PTAR1: variants seen among roughly 807,000 people sequenced by gnomAD.
PTAR1 encodes the protein protein prenyltransferase alpha subunit repeat-containing protein 1.
Under a neutral mutation model 45.5 loss-of-function variants are expected in PTAR1, and 17 were observed. The ratio of observed to expected loss-of-function variants is 0.37; its 90% CI spans 0.26 to 0.56. The LOEUF (loss-of-function observed/expected upper bound fraction) is 0.56. PTAR1 is among the 20% of genes least tolerant of loss of function. The probability of loss-of-function intolerance (pLI) is 0.77; values close to 1 mark genes in which losing one functional copy is unlikely to be tolerated. For missense variants in PTAR1, 391 were observed against 476.3 expected, an observed-to-expected ratio of 0.82 and a Z score of 1.67; for synonymous variants, 169 against 171.3, an observed-to-expected ratio of 0.99 and a Z score of 0.11.
At position 69,717,660 on chromosome 9, in the gene PTAR1, G is replaced by T. The variant is rs1459239914; in HGVS notation, c.*682C>A. 1 of 152,160 alleles carries T rather than the reference G, an allele frequency of 6.6e-6. No homozygotes were observed. The highest frequency in any genetic ancestry group is 1.5e-5 in the Non-Finnish European group (1 of 68,028). The allele number at this position is 152,160 out of a possible 1,614,324, so 9.4% of individuals were successfully genotyped here. On this transcript the variant is annotated 3_prime_UTR_variant, in exon 8 of 8. Coordinates refer to ENST00000340434, the MANE Select transcript of PTAR1 (RefSeq NM_001099666.2). ...TTGATTCTCAAAACAATTACATCAA[G>T]TTATTCGGCATTCATACCAACATTC...
rs1824485044 is a variant in PTAR1 at position 69,710,513 on chromosome 9, C to T, written c.*7829G>A. On this transcript the variant is annotated 3_prime_UTR_variant, in exon 8 of 8. Transcript: ENST00000340434. ...GAATTTAGCATCATACTTTTAAGCA[C>T]TCTGGGGTACTAACTTGAACTCCCA... The T allele has an allele frequency of 2.0e-5, 3 of 152,104 alleles. No homozygotes were observed. In the South Asian group the frequency reaches 6.2e-4, roughly 32 times the overall value. The allele number at this position is 152,104 out of a possible 1,614,324, so 9.4% of individuals were successfully genotyped here.
intron 2 of PTAR1, among the ~76,000 whole-genome samples, chr9:69,745,573 T>A (rs909457627): frequency 3.9e-5 from 6 of 152,200 alleles, no homozygotes; most frequent in Non-Finnish European, 8.8e-5. Context: ...AGTCCCCGCT[T>A]TTCATTTTAT....
Position 69,718,337 on chromosome 9 carries a change from C to A in PTAR1, c.*5G>T. 1.3e-6 allele frequency: 2 copies of A among 1,585,576 alleles called. No homozygotes were observed. Among genetic ancestry groups the A allele is most frequent in the Non-Finnish European group, 1.7e-6 (2 of 1,163,344 alleles). ...GGGGAACCTTGTAGGACTAATTCAC[C>A]TCTTTCATTGACTCAAAGTAACCAG... On this transcript the variant is annotated 3_prime_UTR_variant, in exon 8 of 8. Transcript: ENST00000340434.
chr9:69,727,806 CTTT>C (rs1283464917), intron 5 of PTAR1, among the ~76,000 whole-genome samples: 4 of 138,604 alleles, frequency 2.9e-5, no homozygotes, highest in Admixed American at 2.3e-4. Context: ...CTCAGCTATT[CTTT>C]AAGCTTTATT....
rs1564123093 is a variant in PTAR1 at position 69,717,148 on chromosome 9, A to G, written c.*1194T>C. On this transcript the variant is annotated 3_prime_UTR_variant, in exon 8 of 8. Transcript: ENST00000340434. The stretch of plus-strand genomic sequence containing the variant: ...AGTATCAAAGTGTTTTGTTTTGCAC[A>G]TACTATTCCTTCCCTTGGCATTTGC... 3 of 152,324 alleles carry G rather than the reference A, an allele frequency of 2.0e-5. No homozygotes were observed. The South Asian group carries it at 6.2e-4, about 32-fold the overall frequency. The allele number at this position is 152,324 out of a possible 1,614,324, so 9.4% of individuals were successfully genotyped here. A position where few individuals can be genotyped will look rare whatever the true frequency, so the allele number is the denominator to read the frequency against.
chr9:69,758,032 C>T (rs1826870192), intron 1 of PTAR1: 1 of 151,998 alleles, frequency 6.6e-6, no homozygotes. Flanking sequence ...TTTTAAATCT[C>T]GAATGACCCA....
At chr9:69,739,035 T>C (rs1188060232) in intron 3 of PTAR1, among the ~76,000 whole-genome samples, 1 of 152,150 alleles carries the variant, frequency 6.6e-6, no homozygotes, top group Non-Finnish European at 1.5e-5. Flanking sequence ...CTTGATCTCC[T>C]GACCTCGTGA....
chr9:69,719,079 C>A (rs950953542), intron 6 of PTAR1, among the ~76,000 whole-genome samples: 2 of 152,126 alleles, frequency 1.3e-5, no homozygotes, highest in Admixed American at 6.6e-5. Flanking sequence ...TCCTAGAAGA[C>A]AAGTGATTCA....
At chr9:69,732,875 C>T (rs879471459) in intron 4 of PTAR1, among the ~76,000 whole-genome samples, 3 of 152,160 alleles carry the variant, frequency 2.0e-5, no homozygotes, top group African/African-American at 7.2e-5. Context: ...AAATATAATT[C>T]ATTAAACCAT....
chr9:69,753,418 T>C (rs2134170371), intron 1 of PTAR1, among the ~76,000 whole-genome samples: 1 of 152,284 alleles, frequency 6.6e-6, no homozygotes, highest in East Asian at 1.9e-4. Flanking sequence ...TCACTTCTTG[T>C]CCCTCTAAAA....
At position 69,718,527 on chromosome 9, in the gene PTAR1, T is replaced by A. The variant is rs2134070243; in HGVS notation, c.1024A>T (p.Asn342Tyr). ...LSQAMEVDGLNDSSKQGYSQE... is the reference protein window; with the variant it reads ...LSQAMEVDGLYDSSKQGYSQE... ...GAATAGCCTTGCTTGCTAGAGTCATTCAGTCCATCTACTTCCATTGCTTGA... is the reference window on the plus strand; with the variant it reads ...GAATAGCCTTGCTTGCTAGAGTCATACAGTCCATCTACTTCCATTGCTTGA... The change falls in exon 8 of 8, where the codon AAT (asparagine) becomes TAT (tyrosine). Residue 342 changes from asparagine to tyrosine, a missense_variant. Physicochemically the swap from Asn to Tyr is moderately radical, Grantham distance 143. Around this residue, in one of 5 missense-constraint regions of PTAR1, gnomAD observed 181 missense variants for 227.7 expected, o/e 0.80. Coordinates refer to ENST00000340434, the MANE Select transcript of PTAR1 (RefSeq NM_001099666.2). 1 of 1,613,726 alleles carries A rather than the reference T, an allele frequency of 6.2e-7. No individual in the cohort carries two copies. The highest frequency in any genetic ancestry group is 2.2e-5 in the East Asian group (1 of 44,870).
intron 6 of PTAR1, among the ~76,000 whole-genome samples, chr9:69,721,839 T>C (rs1825024731): frequency 6.6e-6 from 1 of 152,152 alleles, no homozygotes; most frequent in African/African-American, 2.4e-5. Context: ...CATAATGCTG[T>C]TGCACACTTC....
At chr9:69,750,169 C>A (rs563216206) in intron 2 of PTAR1, among the ~76,000 whole-genome samples, 196 of 151,552 alleles carry the variant, frequency 1.3e-3, no homozygotes, top group African/African-American at 4.7e-3. Flanking sequence ...TAGGGATTGT[C>A]TGATGCAGTA....
rs1316771695 is a variant in PTAR1 at position 69,710,470 on chromosome 9, G to T, written c.*7872C>A. 6.6e-6 allele frequency: 1 copy of T among 152,008 alleles called. No individual in the cohort carries two copies. The highest frequency in any genetic ancestry group is 1.5e-5 in the Non-Finnish European group (1 of 68,000). 9.4% of individuals were successfully genotyped at this position (152,008 alleles called of 1,614,324 possible). On this transcript the variant is annotated 3_prime_UTR_variant, in exon 8 of 8. Transcript: ENST00000340434. ...ACAATGTGGACATAGATAATCTACA[G>T]TCATTACATTAGCCTTAGAATTTAG...
chr9:69,733,201 C>G (rs1825622436), intron 4 of PTAR1, among the ~76,000 whole-genome samples: 1 of 152,066 alleles, frequency 6.6e-6, no homozygotes, highest in Non-Finnish European at 1.5e-5. Flanking sequence ...GTTCCTTTCC[C>G]CTGCCACCAT....
Position 69,718,666 on chromosome 9 carries a change from A to C in PTAR1, c.966T>G (p.Leu322=). 6.3e-7 allele frequency: 1 copy of C among 1,580,578 alleles called. No individual in the cohort carries two copies. The highest frequency in any genetic ancestry group is 8.6e-7 in the Non-Finnish European group (1 of 1,161,758). The change falls in exon 7 of 8, where the codon CTT becomes CTG. Residue 322 remains leucine (L), a synonymous_variant. Transcript: ENST00000340434. ...LWCHRRHIFY[L]QHHLNAGSQL... ...GAAACCTACCATTTAAGTGATGCTG[A>C]AGGTAGAAAATATGCCGCCTGCGAT...
At chr9:69,759,275 C>A (rs1432601315) in intron 1 of PTAR1, among the ~76,000 whole-genome samples, 1 of 133,794 alleles carries the variant, frequency 7.5e-6, no homozygotes, top group Non-Finnish European at 1.6e-5. Context: ...CCCACAGAAG[C>A]TTCTCTTGAG....
At chr9:69,759,717 C>T in intron 1 of PTAR1, 136 bp downstream of exon 1, 2 of 812,204 alleles carry the variant, frequency 2.5e-6, no homozygotes, top group Non-Finnish European at 1.8e-6. Flanking sequence ...CCGCCCGACA[C>T]GGCTCTGCCT....
intron 1 of PTAR1, among the ~76,000 whole-genome samples, chr9:69,753,505 T>C (rs913801062): frequency 6.6e-6 from 1 of 152,168 alleles, no homozygotes; most frequent in Non-Finnish European, 1.5e-5. Flanking sequence ...GAAATAGATA[T>C]ATACACACAC....
Sources: gnomAD v4.1 joint callset for allele counts (sites outside exome capture counted in the v4.1 genomes callset) on GRCh38, gnomAD v4.1.1 for gene constraint, gnomAD v4.1.1 regional missense constraint, MANE v1.5 for transcripts, NCBI Gene and HGNC (gene_info 2026-07-23, HGNC 2026-07-21) for gene names.